ANK2: variants seen among roughly 807,000 people sequenced by gnomAD.
ANK2 encodes ankyrin 2.
Under a neutral mutation model 360.5 loss-of-function variants are expected in ANK2, and 83 were observed. That is an observed-to-expected ratio of 0.23 (90% CI 0.19 to 0.28). ANK2 has a LOEUF of 0.28. Ranked by LOEUF, ANK2 falls within the 10% of genes least tolerant of loss-of-function variation. The pLI, the probability that ANK2 is intolerant of heterozygous loss-of-function variation, is 1.00. For synonymous variants in ANK2, 1,740 were observed against 1,759.5 expected (o/e 0.99, Z 0.28); for missense variants, 4,201 against 4,795.7 (o/e 0.88, Z 3.66).
intron 1 of ANK2, among the ~76,000 whole-genome samples, chr4:113,159,935 T>TA (rs1048698620): frequency 3.9e-5 from 6 of 152,046 alleles, no homozygotes; most frequent in African/African-American, 1.2e-4. Context: ...AGTTTATTTC[T>TA]AAAAAAAGAG....
At chr4:113,003,078 T>C (rs1172424313) in intron 2 of ANK2, among the ~76,000 whole-genome samples, 1 of 152,250 alleles carries the variant, frequency 6.6e-6, no homozygotes, top group Non-Finnish European at 1.5e-5. Context: ...TTAGTGGTTT[T>C]AGAGACCTGT....
In ANK2 at chr4:112,861,004, T is replaced by C. The variant is rs115413507; in HGVS notation, c.-40+42740T>C. Among the ~76,000 whole-genome samples the C allele has an allele frequency of 5.1e-3, 776 of 152,286 alleles. 10 individuals are homozygous for C. The highest frequency in any genetic ancestry group is 0.018 in the African/African-American group (733 of 41,544). On this transcript the variant is annotated intron_variant, in intron 1 of 30. Transcript: ENST00000503271. The stretch of plus-strand genomic sequence containing the variant: ...AAGCTTTTAGATTTAATTCAGTGGG[T>C]GAACATGAAAGCCATGCATAAATCT...
the ANK2 span, among the ~76,000 whole-genome samples, chr4:112,712,389 T>C: frequency 9.3e-6 from 1 of 107,566 alleles, no homozygotes; most frequent in Non-Finnish European, 1.8e-5. Context: ...CAAGATGTCA[T>C]ATATATATAT....
the ANK2 span, among the ~76,000 whole-genome samples, chr4:112,746,507 C>CAA: frequency 3.3e-3 from 400 of 121,624 alleles, 3 homozygotes; most frequent in African/African-American, 7.3e-3. Context: ...GATGCTGTCT[C>CAA]AAAAAAAAAA....
At chr4:112,739,039 G>T in the ANK2 span, 2 of 587,356 alleles carry the variant, frequency 3.4e-6, no homozygotes, top group Non-Finnish European at 6.4e-6. Context: ...ATCATGGAAA[G>T]TTCTGTCCAG....
intron 17 of ANK2, among the ~76,000 whole-genome samples, chr4:113,281,606 C>A (rs1051269646): frequency 6.6e-6 from 1 of 152,120 alleles, no homozygotes; most frequent in Non-Finnish European, 1.5e-5. Context: ...TGCTCTCTTT[C>A]CCTTCAGCAT....
At chr4:113,127,339 G>A (rs1419735491) in intron 1 of ANK2, among the ~76,000 whole-genome samples, 1 of 151,854 alleles carries the variant, frequency 6.6e-6, no homozygotes, top group Non-Finnish European at 1.5e-5. Flanking sequence ...ATTATTTACT[G>A]AGTAAAAAAA....
intron 2 of ANK2, among the ~76,000 whole-genome samples, chr4:112,972,226 T>C (rs1429846363): frequency 6.6e-6 from 1 of 152,134 alleles, no homozygotes; most frequent in African/African-American, 2.4e-5. Flanking sequence ...GTACAGAATG[T>C]GCAGGTTTGT....
chr4:112,709,518 G>A, the ANK2 span, among the ~76,000 whole-genome samples: 11 of 152,174 alleles, frequency 7.2e-5, no homozygotes, highest in Non-Finnish European at 1.5e-4. Flanking sequence ...GGAGGCCGAG[G>A]TGGGAGTATC....
chr4:113,146,135 T>C lies in ANK2; in HGVS notation c.85-28281T>C, dbSNP rs2096826731. The C allele has an allele frequency of 2.4e-5, 23 of 972,644 alleles. 1 individual carries two copies. In the South Asian group the frequency reaches 4.0e-4, roughly 17 times the overall value. 60.3% of individuals were successfully genotyped at this position (972,644 alleles called of 1,614,324 possible). A position where few individuals can be genotyped will look rare whatever the true frequency, so the allele number is the denominator to read the frequency against. On this transcript the variant is annotated intron_variant, in intron 1 of 45. Transcript: ENST00000357077. Reference sequence around the variant, plus strand: ...ATAAAGCCAATGTGATCAAACCACCTGACTACCTCTGATCAAGTGGCATGC... The same window carrying C: ...ATAAAGCCAATGTGATCAAACCACCCGACTACCTCTGATCAAGTGGCATGC...
chr4:112,723,373 G>A, the ANK2 span, among the ~76,000 whole-genome samples: 1 of 152,056 alleles, frequency 6.6e-6, no homozygotes. Context: ...TGTGGGGGAA[G>A]CAGGGTGGGC....
rs570046475 is a variant in ANK2, at chr4:112,859,705, T to C, written c.-40+41441T>C. 7.9e-5 allele frequency among the ~76,000 whole-genome samples: 12 copies of C among 152,360 alleles called. No individual in the cohort carries two copies. In the East Asian group the frequency reaches 2.3e-3, roughly 29 times the overall value. ...AGCAGGCATGGGGGCACCTGCCTTG[T>C]CACTTAGCTGTGACCAGCTTACCCA... On this transcript the variant is annotated intron_variant, in intron 1 of 30. Coordinates refer to the ANK2 transcript ENST00000503271.
At chr4:113,099,098 C>T (rs923751220) in intron 1 of ANK2, among the ~76,000 whole-genome samples, 17 of 151,880 alleles carry the variant, frequency 1.1e-4, no homozygotes, top group African/African-American at 3.9e-4. Context: ...AGACTGGCAA[C>T]AAGTAAAAAT....
intron 1 of ANK2, among the ~76,000 whole-genome samples, chr4:113,158,100 T>C (rs1408681443): frequency 6.6e-6 from 1 of 152,192 alleles, no homozygotes; most frequent in Non-Finnish European, 1.5e-5. Context: ...AGTAGACAGA[T>C]GACTTAAAAG....
At chr4:113,130,938 A>C (rs1455335913) in intron 1 of ANK2, among the ~76,000 whole-genome samples, 2 of 152,186 alleles carry the variant, frequency 1.3e-5, no homozygotes, top group Non-Finnish European at 2.9e-5. Flanking sequence ...TGCTATTTTC[A>C]TTTTTATAAA....
At chr4:112,983,010 G>A (rs1322394774) in intron 2 of ANK2, among the ~76,000 whole-genome samples, 2 of 152,144 alleles carry the variant, frequency 1.3e-5, no homozygotes, top group Non-Finnish European at 2.9e-5. Flanking sequence ...TGCATCTGAT[G>A]CATACCGCAT....
At chr4:112,896,416 A>T (rs934520854) in intron 1 of ANK2, among the ~76,000 whole-genome samples, 2 of 152,248 alleles carry the variant, frequency 1.3e-5, no homozygotes, top group African/African-American at 4.8e-5. Flanking sequence ...GCAAGTAACA[A>T]TTCTGAGAGG....
chr4:113,052,885 G>T (rs892469762), intron 1 of ANK2, among the ~76,000 whole-genome samples: 1 of 152,280 alleles, frequency 6.6e-6, no homozygotes, highest in East Asian at 1.9e-4. Context: ...TGGGGATGGG[G>T]TACTCCCAGA....
chr4:112,929,942 G>A lies in ANK2; in HGVS notation c.21+25428G>A, dbSNP rs536866671. Among the ~76,000 whole-genome samples, 5 of 152,236 alleles carry A rather than the reference G, an allele frequency of 3.3e-5. No individual in the cohort carries two copies. The East Asian group carries it at 9.7e-4, about 29-fold the overall frequency. ...TTACGAGTAGACATTACCCAGTTAG[G>A]AGACTGTGATAGGATCTGTGATTCA... is the stretch of plus-strand genomic sequence containing the variant. On this transcript the variant is annotated intron_variant, in intron 2 of 30. Coordinates refer to the ANK2 transcript ENST00000503271.
Sources: allele counts gnomAD v4.1 joint callset (sites outside exome capture counted in the v4.1 genomes callset), GRCh38; gene constraint gnomAD v4.1.1; transcripts MANE v1.5; gene names NCBI Gene and HGNC (gene_info 2026-07-23, HGNC 2026-07-21).